Variants in MAGI1 observed in about 807,000 individuals in gnomAD.
MAGI1 encodes membrane-associated guanylate kinase, WW and PDZ domain-containing protein 1.
In MAGI1, 58 loss-of-function variants were observed where a neutral mutation model predicts 139.9. The observed-to-expected ratio is 0.41, with a 90% CI of 0.34 to 0.52. The LOEUF is 0.52. Among genes scored for constraint, MAGI1 ranks in the 20% least tolerant of loss-of-function variants. The pLI is 0.12. For missense variants in MAGI1, 1,874 were observed against 1,901.6 expected, an observed-to-expected ratio of 0.99 and a Z score of 0.27; for synonymous variants, 812 against 737.9, an observed-to-expected ratio of 1.10 and a Z score of -1.63.
intron 1 of MAGI1, among the ~76,000 whole-genome samples, chr3:65,646,308 C>T (rs2085256149): frequency 6.6e-6 from 1 of 151,912 alleles, no homozygotes; most frequent in Admixed American, 6.6e-5. Context: ...CAGGAAGAGA[C>T]ATTATGTAAT....
At chr3:65,792,321 C>T (rs264091) in intron 1 of MAGI1, among the ~76,000 whole-genome samples, 19,682 of 151,692 alleles carry the variant, frequency 0.13, 1,743 homozygotes, top group East Asian at 0.33. Flanking sequence ...AAAAATTAGC[C>T]GGGTGTGGTG....
At chr3:65,730,910 G>T (rs371751708) in intron 1 of MAGI1, among the ~76,000 whole-genome samples, 9 of 145,332 alleles carry the variant, frequency 6.2e-5, no homozygotes, top group East Asian at 4.3e-4. Flanking sequence ...CGGGGTTTTT[G>T]TTTTTTTTTT....
chr3:65,739,468 C>T (rs754829910), intron 1 of MAGI1, among the ~76,000 whole-genome samples: 46 of 152,156 alleles, frequency 3.0e-4, no homozygotes, highest in Non-Finnish European at 6.0e-4. Context: ...TTTAATTTGC[C>T]GCCAGAACTC....
chr3:65,980,548 G>C (rs897618680), intron 1 of MAGI1, among the ~76,000 whole-genome samples: 12 of 135,286 alleles, frequency 8.9e-5, no homozygotes, highest in African/African-American at 3.3e-4. Context: ...CTGGGCAAGA[G>C]ACTGAGACTC....
intron 1 of MAGI1, among the ~76,000 whole-genome samples, chr3:65,666,452 A>C (rs2086531839): frequency 6.6e-6 from 1 of 152,216 alleles, no homozygotes; most frequent in Non-Finnish European, 1.5e-5. Flanking sequence ...AGTCAGAGAG[A>C]ATGCTTTGAG....
rs911150315 is a variant in MAGI1 at position 65,567,161 on chromosome 3, A to C, written c.430+54811T>G. ...GGACACTCATAATGTTAAGACCTCTAGTATGAGATAGCTAAATGTGGTTTT... is the reference window on the plus strand; with the variant it reads ...GGACACTCATAATGTTAAGACCTCTCGTATGAGATAGCTAAATGTGGTTTT... On this transcript the variant is annotated intron_variant, in intron 2 of 22. Coordinates refer to ENST00000402939, the MANE Select transcript of MAGI1 (RefSeq NM_001033057.2). 3.9e-5 allele frequency among the ~76,000 whole-genome samples: 6 copies of C among 152,348 alleles called. No individual in the cohort carries two copies. In the East Asian group the frequency reaches 5.8e-4, roughly 15 times the overall value.
intron 2 of MAGI1, among the ~76,000 whole-genome samples, chr3:65,502,424 T>C (rs1409836257): frequency 6.6e-6 from 1 of 152,206 alleles, no homozygotes; most frequent in Non-Finnish European, 1.5e-5. Flanking sequence ...TAGTTTGGAC[T>C]GTTATAACAG....
intron 1 of MAGI1, among the ~76,000 whole-genome samples, chr3:65,734,408 C>T (rs2034494407): frequency 6.7e-6 from 1 of 148,824 alleles, no homozygotes; most frequent in Admixed American, 6.8e-5. Context: ...AGCAGTGAGC[C>T]GTGATCATGC....
chr3:65,859,422 G>A (rs62245693), intron 1 of MAGI1, among the ~76,000 whole-genome samples: 3,343 of 149,258 alleles, frequency 0.022, 55 homozygotes, highest in Middle Eastern at 0.037. Context: ...TGCCACATAA[G>A]CAACTTAAAA....
At chr3:65,423,798 T>C (rs1946806032) in intron 12 of MAGI1, among the ~76,000 whole-genome samples, 1 of 152,230 alleles carries the variant, frequency 6.6e-6, no homozygotes, top group Non-Finnish European at 1.5e-5. Flanking sequence ...CTCTTATGAA[T>C]TATGATATGT....
chr3:65,866,386 A>AG (rs1320323687), intron 1 of MAGI1, among the ~76,000 whole-genome samples: 1 of 148,248 alleles, frequency 6.7e-6, no homozygotes, highest in African/African-American at 2.5e-5. Context: ...TGCATTTAAG[A>AG]GGGGAAAAAA....
At chr3:65,826,276 C>G (rs1559919281) in intron 1 of MAGI1, among the ~76,000 whole-genome samples, 1 of 151,998 alleles carries the variant, frequency 6.6e-6, no homozygotes. Flanking sequence ...GGAGATCATA[C>G]TAAAACTTAA....
In MAGI1 at chr3:65,925,635, C is replaced by T. The variant is rs191065814; in HGVS notation, c.313+112361G>A. Among the ~76,000 whole-genome samples the T allele has an allele frequency of 8.5e-5, 13 of 152,168 alleles. No individual in the cohort carries two copies. The East Asian group carries it at 2.5e-3, about 29-fold the overall frequency. On this transcript the variant is annotated intron_variant, in intron 1 of 22. Coordinates refer to ENST00000402939, the MANE Select transcript of MAGI1 (RefSeq NM_001033057.2). ...ATAAAAATAAAGAACCCCAACCTCT[C>T]AAAAAAATAGTAATAGCTCTCTCAT...
intron 1 of MAGI1, among the ~76,000 whole-genome samples, chr3:65,936,930 GTGGTGATGGTGGTGGTGA>G (rs1276665393): frequency 1.6e-4 from 24 of 151,178 alleles, no homozygotes; most frequent in Non-Finnish European, 2.7e-4. Flanking sequence ...GGTGGTGGTG[GTGGTGATGGTGGTGGTGA>G]TGGTGATGGT....
chr3:65,882,035 T>A (rs75294439), intron 1 of MAGI1, among the ~76,000 whole-genome samples: 4,199 of 152,284 alleles, frequency 0.028, 157 homozygotes, highest in East Asian at 0.12. Flanking sequence ...CCCTCTGAGG[T>A]TTGCCAACAG....
At chr3:65,777,957 T>G (rs2038603198) in intron 1 of MAGI1, among the ~76,000 whole-genome samples, 2 of 152,160 alleles carry the variant, frequency 1.3e-5, no homozygotes, top group South Asian at 4.1e-4. Context: ...TGGTAAATCA[T>G]GATTAAATAG....
chr3:65,737,074 G>A (rs916627619), intron 1 of MAGI1, among the ~76,000 whole-genome samples: 4 of 151,632 alleles, frequency 2.6e-5, no homozygotes, highest in South Asian at 4.2e-4. Flanking sequence ...GCGCGATCTC[G>A]GCTCACTACA....
intron 1 of MAGI1, among the ~76,000 whole-genome samples, chr3:65,746,708 A>C (rs1461620250): frequency 6.6e-6 from 1 of 152,172 alleles, no homozygotes; most frequent in East Asian, 1.9e-4. Flanking sequence ...ATTAAAATAT[A>C]ATATAGAAAT....
chr3:65,963,263 G>A (rs186764252), intron 1 of MAGI1, among the ~76,000 whole-genome samples: 1 of 143,628 alleles, frequency 7.0e-6, no homozygotes, highest in African/African-American at 2.6e-5. Flanking sequence ...AGTGAGTCGA[G>A]AGCGCACCAC....
Sources: gnomAD v4.1 joint callset for allele counts (sites outside exome capture counted in the v4.1 genomes callset) on GRCh38, gnomAD v4.1.1 for gene constraint, MANE v1.5 for transcripts, NCBI Gene and HGNC (gene_info 2026-07-23, HGNC 2026-07-21) for gene names.